The following TNFRSF11A variants were observed in gnomAD, a reference collection of about 807,000 sequenced individuals.
TNFRSF11A encodes tumor necrosis factor receptor superfamily member 11A.
In TNFRSF11A, 32 loss-of-function variants were observed where a neutral mutation model predicts 55.7. The ratio of observed to expected loss-of-function variants is 0.57; its 90% CI spans 0.43 to 0.77. TNFRSF11A has a LOEUF of 0.77. TNFRSF11A is among the 30% of genes least tolerant of loss of function. TNFRSF11A has a pLI of 0.00. For synonymous variants in TNFRSF11A, 311 were observed against 331.0 expected, an observed-to-expected ratio of 0.94 and a Z score of 0.65; for missense variants, 753 against 809.8, an observed-to-expected ratio of 0.93 and a Z score of 0.85.
intron 1 of TNFRSF11A, among the ~76,000 whole-genome samples, chr18:62,332,317 G>A (rs761916480): frequency 1.3e-5 from 2 of 152,168 alleles, no homozygotes; most frequent in East Asian, 1.9e-4. Context: ...AGTGTATCAC[G>A]TAGTAGCACA....
chr18:62,360,263 T>G (rs1909580821), intron 6 of TNFRSF11A, among the ~76,000 whole-genome samples: 1 of 152,158 alleles, frequency 6.6e-6, no homozygotes, highest in Non-Finnish European at 1.5e-5. Context: ...GGGTAACTAA[T>G]AATGTTTTGA....
chr18:62,338,495 A>G (rs982741353), intron 1 of TNFRSF11A, among the ~76,000 whole-genome samples: 1 of 152,258 alleles, frequency 6.6e-6, no homozygotes, highest in African/African-American at 2.4e-5. Flanking sequence ...ATAAAAAGGA[A>G]TGGCGTTCTG....
At chr18:62,333,878 T>C (rs921338126) in intron 1 of TNFRSF11A, among the ~76,000 whole-genome samples, 19 of 151,644 alleles carry the variant, frequency 1.3e-4, no homozygotes, top group Non-Finnish European at 2.7e-4. Flanking sequence ...AACTTTTTTT[T>C]TTTTGAGAAG....
intron 9 of TNFRSF11A, among the ~76,000 whole-genome samples, chr18:62,372,289 G>A (rs1600411822): frequency 1.3e-5 from 2 of 152,164 alleles, no homozygotes; most frequent in African/African-American, 4.8e-5. Flanking sequence ...CGTGATGGTT[G>A]CCTTGGTTAC....
At chr18:62,359,142 T>G (rs1418803527) in intron 5 of TNFRSF11A, among the ~76,000 whole-genome samples, 1 of 152,194 alleles carries the variant, frequency 6.6e-6, no homozygotes, top group Non-Finnish European at 1.5e-5. Context: ...TCCCAGCTAC[T>G]CAGGAGTCAG....
chr18:62,358,305 C>A lies in TNFRSF11A; in HGVS notation c.485C>A (p.Ala162Asp). Residue 162 changes from alanine to aspartate, a missense_variant, in exon 5 of 10, where the codon GCC becomes GAC. Ala to Asp is a moderately radical substitution (Grantham distance 126). Transcript: ENST00000586569. ...TGCCTTGCAGGCTACTTCTCTGATG[C>A]CTTTTCCTCCACGGACAAATGCAGA... ...KPCLAGYFSDAFSSTDKCRPW... is the reference protein window; with the variant it reads ...KPCLAGYFSDDFSSTDKCRPW... The A allele has an allele frequency of 1.2e-6, 2 of 1,612,958 alleles. No homozygotes were observed. Among genetic ancestry groups the A allele is most frequent in the Non-Finnish European group, 1.7e-6 (2 of 1,179,628 alleles).
At chr18:62,327,164 G>A (rs546212904) in intron 1 of TNFRSF11A, among the ~76,000 whole-genome samples, 4 of 152,310 alleles carry the variant, frequency 2.6e-5, no homozygotes, top group Non-Finnish European at 5.9e-5. Flanking sequence ...TGTGTGGGCT[G>A]GTGTCAACCT....
intron 9 of TNFRSF11A, among the ~76,000 whole-genome samples, chr18:62,377,306 T>A (rs953690195): frequency 6.6e-6 from 1 of 152,264 alleles, no homozygotes; most frequent in African/African-American, 2.4e-5. Flanking sequence ...GACTCTTGGC[T>A]GCTTCCAAGT....
chr18:62,337,996 A>G (rs186499585), intron 1 of TNFRSF11A, among the ~76,000 whole-genome samples: 62 of 152,370 alleles, frequency 4.1e-4, no homozygotes, highest in African/African-American at 1.4e-3. Flanking sequence ...GAAAACGGAC[A>G]AAGGACTTGA....
intron 1 of TNFRSF11A, among the ~76,000 whole-genome samples, chr18:62,330,252 G>A (rs571562555): frequency 4.6e-5 from 7 of 152,206 alleles, no homozygotes; most frequent in Non-Finnish European, 1.0e-4. Flanking sequence ...TCAACTTGTC[G>A]TGGGCACACA....
intron 4 of TNFRSF11A, 152 bp from the exon 5 acceptor site, chr18:62,358,096 C>T (rs1175084553): frequency 1.4e-6 from 1 of 701,534 alleles, no homozygotes; most frequent in Non-Finnish European, 2.5e-6. Context: ...AGAAGTTAGA[C>T]ACAGGGGTGG....
chr18:62,370,146 C>T (rs1442347324), intron 9 of TNFRSF11A, among the ~76,000 whole-genome samples: 1 of 152,168 alleles, frequency 6.6e-6, no homozygotes, highest in Non-Finnish European at 1.5e-5. Flanking sequence ...CACTGCAACA[C>T]TGCCTGAGCA....
chr18:62,325,808 A>G lies in TNFRSF11A; in HGVS notation c.75+381A>G, dbSNP rs1344580623. On this transcript the variant is annotated intron_variant, in intron 1 of 9. Transcript: ENST00000586569. This position sits in a 1 kb window ranked among gnomAD's most constrained non-coding sequence, Gnocchi z 4.7. ...GCCGTGGGCACCTCACTTGCGGCAG[A>G]TAACCGTTCCCGATACGATTTCTCC... Among the ~76,000 whole-genome samples, 2 of 152,230 alleles carry G rather than the reference A, an allele frequency of 1.3e-5. No individual in the cohort carries two copies. The highest frequency in any genetic ancestry group is 2.4e-5 in the African/African-American group (1 of 41,470).
At position 62,362,510 on chromosome 18, in the gene TNFRSF11A, A is replaced by G. The variant is rs868777316; in HGVS notation, c.730+717A>G. ...CATCTCAAAAAAAAAAAAAAAAAAA[A>G]AAAGAACCTTCGATTATGAAAATAA... On this transcript the variant is annotated intron_variant, in intron 7 of 9. Coordinates refer to ENST00000586569, the MANE Select transcript of TNFRSF11A (RefSeq NM_003839.4). 5.0e-3 allele frequency among the ~76,000 whole-genome samples: 754 copies of G among 151,284 alleles called. 6 individuals carry two copies. Among genetic ancestry groups the G allele is most frequent in the African/African-American group, 0.018 (727 of 41,250 alleles).
At chr18:62,376,543 C>T (rs1184083756) in intron 9 of TNFRSF11A, among the ~76,000 whole-genome samples, 1 of 152,086 alleles carries the variant, frequency 6.6e-6, no homozygotes, top group Non-Finnish European at 1.5e-5. Context: ...CTCCTGCCCC[C>T]CACACATGCA....
chr18:62,355,007 C>T (rs563076987), intron 4 of TNFRSF11A, among the ~76,000 whole-genome samples: 1 of 152,138 alleles, frequency 6.6e-6, no homozygotes, highest in African/African-American at 2.4e-5. Flanking sequence ...ATTATAACTG[C>T]GATAACACTG....
chr18:62,341,742 T>C (rs1024882035), intron 1 of TNFRSF11A, among the ~76,000 whole-genome samples: 2 of 151,568 alleles, frequency 1.3e-5, no homozygotes, highest in African/African-American at 4.9e-5. Flanking sequence ...ACATCATGTA[T>C]AGGAGTTCTC....
chr18:62,333,548 C>T (rs1250758703), intron 1 of TNFRSF11A, among the ~76,000 whole-genome samples: 1 of 152,204 alleles, frequency 6.6e-6, no homozygotes, highest in Non-Finnish European at 1.5e-5. Flanking sequence ...ATATCTAATG[C>T]TCACTCCACC....
At chr18:62,379,022 G>A (rs1911083951) in intron 9 of TNFRSF11A, among the ~76,000 whole-genome samples, 1 of 152,196 alleles carries the variant, frequency 6.6e-6, no homozygotes, top group South Asian at 2.1e-4. Context: ...GACGTGCCAT[G>A]GAAAAAGAAG....
Sources: gnomAD v4.1 joint callset for allele counts (sites outside exome capture counted in the v4.1 genomes callset) on GRCh38, gnomAD v4.1.1 for gene constraint, Gnocchi (gnomAD v3.1) non-coding constraint, MANE v1.5 for transcripts, NCBI Gene and HGNC (gene_info 2026-07-23, HGNC 2026-07-21) for gene names.